The following ARHGEF28 variants were observed in gnomAD, a reference collection of about 807,000 sequenced individuals.
ARHGEF28 encodes 190 kDa guanine nucleotide exchange factor.
A neutral mutation model predicts 206.6 loss-of-function variants in ARHGEF28; 152 were observed. The ratio of observed to expected loss-of-function variants is 0.74; its 90% CI spans 0.64 to 0.84. ARHGEF28 has a LOEUF of 0.84. Among genes scored for constraint, ARHGEF28 ranks in the 40% least tolerant of loss-of-function variants. ARHGEF28 has a pLI of 0.00. For synonymous variants in ARHGEF28, 763 were observed against 776.4 expected (o/e 0.98, Z 0.29); for missense variants, 2,028 against 2,073.2 (o/e 0.98, Z 0.42).
chr5:73,828,690 CTCTT>C (rs1170093049), intron 9 of ARHGEF28, among the ~76,000 whole-genome samples: 22 of 143,466 alleles, frequency 1.5e-4, no homozygotes, highest in African/African-American at 2.3e-4. Flanking sequence ...CTTTCTCTTT[CTCTT>C]TCTTTCTCTC....
chr5:73,741,359 G>T (rs1324838637), intron 2 of ARHGEF28, among the ~76,000 whole-genome samples: 4 of 47,576 alleles, frequency 8.4e-5, no homozygotes, highest in African/African-American at 4.0e-4. Flanking sequence ...GTGTGTGTGT[G>T]TGTGTGTGTG....
At chr5:73,864,936 TTTTACTCTTTTTTATTACCA>T (rs1759619405) in intron 17 of ARHGEF28, 64 bp downstream of exon 17, 2 of 1,409,572 alleles carry the variant, frequency 1.4e-6, no homozygotes, top group African/African-American at 2.9e-5. Flanking sequence ...CTATTTGAGC[TTTTACTCTTTTTTATTACCA>T]TCTAGATTTA....
intron 35 of ARHGEF28, among the ~76,000 whole-genome samples, chr5:73,924,809 T>C (rs1238837018): frequency 6.6e-6 from 1 of 152,204 alleles, no homozygotes; most frequent in Non-Finnish European, 1.5e-5. Flanking sequence ...ATCTGCAGAA[T>C]TGGCCCTTCC....
At chr5:73,864,744 C>T (rs1759601346) in intron 16 of ARHGEF28, 73 bp from the exon 17 acceptor site, 2 of 1,292,582 alleles carry the variant, frequency 1.5e-6, no homozygotes, top group East Asian at 2.4e-5. Flanking sequence ...CCAGTGAAAG[C>T]ATGATGTAGT....
At chr5:73,676,994 G>A (rs1188325480) in intron 1 of ARHGEF28, among the ~76,000 whole-genome samples, 1 of 152,112 alleles carries the variant, frequency 6.6e-6, no homozygotes, top group Admixed American at 6.5e-5. Context: ...TGTTCTAAAT[G>A]TATTGTAAGT....
intron 35 of ARHGEF28, among the ~76,000 whole-genome samples, chr5:73,919,747 T>C (rs184579271): frequency 2.2e-3 from 336 of 152,368 alleles, no homozygotes; most frequent in African/African-American, 7.4e-3. Context: ...GTTTATCACC[T>C]TAATCTCTTT....
At chr5:73,887,547 A>G in intron 25 of ARHGEF28, 56 bp from the exon 26 acceptor site, 1 of 1,313,490 alleles carries the variant, frequency 7.6e-7, no homozygotes, top group Non-Finnish European at 1.0e-6. Flanking sequence ...ATTTTTATTC[A>G]GTTTATTTGA....
intron 26 of ARHGEF28, among the ~76,000 whole-genome samples, chr5:73,890,017 T>A (rs530338918): frequency 4.9e-4 from 74 of 152,360 alleles, no homozygotes; most frequent in African/African-American, 1.7e-3. Flanking sequence ...AAATAAAACA[T>A]CTCTGCAAGC....
chr5:73,794,767 T>G (rs1754702024), intron 8 of ARHGEF28, among the ~76,000 whole-genome samples: 1 of 152,064 alleles, frequency 6.6e-6, no homozygotes, highest in South Asian at 2.1e-4. Context: ...CCACCACGTC[T>G]GGCTAATTTT....
intron 9 of ARHGEF28, among the ~76,000 whole-genome samples, chr5:73,822,826 T>A: frequency 6.6e-6 from 1 of 152,204 alleles, no homozygotes; most frequent in East Asian, 1.9e-4. Flanking sequence ...AAGGTCTTGC[T>A]GTGTTGTCCA....
At chr5:73,917,560 C>T (rs1250031200) in intron 35 of ARHGEF28, among the ~76,000 whole-genome samples, 1 of 152,182 alleles carries the variant, frequency 6.6e-6, no homozygotes, top group Non-Finnish European at 1.5e-5. Context: ...GCTATGTGAG[C>T]CAACTGGGCC....
chr5:73,637,519 A>G (rs923517492), intron 1 of ARHGEF28, among the ~76,000 whole-genome samples: 2 of 152,244 alleles, frequency 1.3e-5, no homozygotes, highest in African/African-American at 4.8e-5. Context: ...GAGCCTCAAG[A>G]TAAAGATATT....
At chr5:73,766,518 T>C (rs1247982040) in intron 4 of ARHGEF28, among the ~76,000 whole-genome samples, 1 of 152,214 alleles carries the variant, frequency 6.6e-6, no homozygotes. Context: ...AAAAGGAAGA[T>C]ATAGGTTTGT....
At chr5:73,684,734 TA>T in intron 1 of ARHGEF28, 106 bp from the exon 2 acceptor site, 1 of 817,068 alleles carries the variant, frequency 1.2e-6, no homozygotes, top group Non-Finnish European at 1.9e-6. Context: ...TTTTCCTATC[TA>T]ATGAGTTTGC....
intron 1 of ARHGEF28, among the ~76,000 whole-genome samples, chr5:73,637,938 TC>T (rs1223218777): frequency 1.3e-5 from 2 of 152,036 alleles, no homozygotes; most frequent in Non-Finnish European, 2.9e-5. Flanking sequence ...GTTTTTTTTT[TC>T]TTCTTTCCTG....
At chr5:73,674,917 A>T (rs1489363166) in intron 1 of ARHGEF28, among the ~76,000 whole-genome samples, 1 of 152,186 alleles carries the variant, frequency 6.6e-6, no homozygotes, top group Non-Finnish European at 1.5e-5. Flanking sequence ...CCTTTTCCAC[A>T]TGCTTCACCC....
chr5:73,713,326 T>G (rs1278433332), intron 2 of ARHGEF28, among the ~76,000 whole-genome samples: 1 of 152,250 alleles, frequency 6.6e-6, no homozygotes, highest in East Asian at 1.9e-4. Context: ...CATTCTTATT[T>G]GTTTTTATTA....
At position 73,793,447 on chromosome 5, in the gene ARHGEF28, A is replaced by G. The variant is rs143012445; in HGVS notation, c.911-955A>G. Among the ~76,000 whole-genome samples the G allele has an allele frequency of 8.9e-3, 1,355 of 152,350 alleles. 10 individuals carry two copies. The highest frequency in any genetic ancestry group is 0.013 in the Non-Finnish European group (892 of 68,032). On this transcript the variant is annotated intron_variant, in intron 7 of 35. Transcript: ENST00000513042. Reference sequence around the variant, plus strand: ...TCCACCTGCAGATTTGGGGCATTAGATAAATTAATAGGAGTGACAAAACGG... The same window carrying G: ...TCCACCTGCAGATTTGGGGCATTAGGTAAATTAATAGGAGTGACAAAACGG...
chr5:73,915,680 C>CT (rs1763172196), intron 35 of ARHGEF28, among the ~76,000 whole-genome samples: 2 of 152,094 alleles, frequency 1.3e-5, no homozygotes, highest in South Asian at 4.1e-4. Context: ...ATTCTTGTGG[C>CT]TTTTTTTCTC....
Sources: gnomAD v4.1 joint callset for allele counts (sites outside exome capture counted in the v4.1 genomes callset) on GRCh38, gnomAD v4.1.1 for gene constraint, MANE v1.5 for transcripts, NCBI Gene and HGNC (gene_info 2026-07-23, HGNC 2026-07-21) for gene names.